Variants in SF3B3 observed in about 807,000 individuals in gnomAD.
SF3B3 encodes splicing factor 3b subunit 3.
Under a neutral mutation model 139.2 loss-of-function variants are expected in SF3B3, and 33 were observed. That is an observed-to-expected ratio of 0.24 (90% CI 0.18 to 0.32). The LOEUF (loss-of-function observed/expected upper bound fraction) is 0.32. Ranked by LOEUF, SF3B3 falls within the 10% of genes least tolerant of loss-of-function variation. The pLI, the probability that SF3B3 is intolerant of heterozygous loss-of-function variation, is 1.00. For missense variants in SF3B3, 818 were observed against 1,509.4 expected, an observed-to-expected ratio of 0.54 and a Z score of 7.59; for synonymous variants, 596 against 563.6, an observed-to-expected ratio of 1.06 and a Z score of -0.81.
At chr16:70,548,554 C>T in intron 11 of SF3B3, 112 bp downstream of exon 11, 1 of 923,128 alleles carries the variant, frequency 1.1e-6, no homozygotes, top group Non-Finnish European at 1.7e-6. Context: ...GCACCATATA[C>T]CAGAAACTTT....
At chr16:70,569,496 C>T (rs1428980867) in intron 23 of SF3B3, among the ~76,000 whole-genome samples, 1 of 152,118 alleles carries the variant, frequency 6.6e-6, no homozygotes, top group African/African-American at 2.4e-5. Context: ...TTTTTTATGG[C>T]AAGCTTGATA....
chr16:70,559,088 T>A (rs2050404577), intron 15 of SF3B3, among the ~76,000 whole-genome samples: 1 of 152,130 alleles, frequency 6.6e-6, no homozygotes, highest in South Asian at 2.1e-4. Context: ...CTCACAGTGA[T>A]GTTGGGATGT....
intron 17 of SF3B3, among the ~76,000 whole-genome samples, chr16:70,563,396 C>T (rs1174558013): frequency 6.6e-6 from 1 of 152,226 alleles, no homozygotes. Flanking sequence ...GTGTACATCT[C>T]TGTCCCATTT....
rs1282971521 is a variant in SF3B3 at position 70,536,961 on chromosome 16, T to C, written c.826-1362T>C. On this transcript the variant is annotated intron_variant, in intron 6 of 25. Coordinates refer to ENST00000302516, the MANE Select transcript of SF3B3 (RefSeq NM_012426.5). ...AAGTAGCTGGGACTACAGGCACCTG[T>C]TACCATGCCCAGCTAATTTTTATAT... is the stretch of plus-strand genomic sequence containing the variant. Among the ~76,000 whole-genome samples the C allele has an allele frequency of 2.0e-5, 3 of 151,960 alleles. No individual in the cohort carries two copies. In the East Asian group the frequency reaches 5.8e-4, roughly 30 times the overall value.
At chr16:70,532,756 A>C in intron 5 of SF3B3, 136 bp downstream of exon 5, 1 of 838,680 alleles carries the variant, frequency 1.2e-6, no homozygotes, top group South Asian at 1.7e-5. Flanking sequence ...TGGACAGGTT[A>C]GAAGTTCATG....
At chr16:70,563,638 G>C in intron 17 of SF3B3, 1 of 424,788 alleles carries the variant, frequency 2.4e-6, no homozygotes. Flanking sequence ...TGTTTCATTG[G>C]TAGGAACTAG....
chr16:70,530,946 C>T lies in SF3B3; in HGVS notation c.570+29C>T, dbSNP rs1187463545. The T allele has an allele frequency of 2.5e-6, 4 of 1,573,478 alleles. No homozygotes were observed. The East Asian group carries it at 9.0e-5, about 35-fold the overall frequency. On this transcript the variant is annotated intron_variant, in intron 4 of 25. Coordinates refer to ENST00000302516, the MANE Select transcript of SF3B3 (RefSeq NM_012426.5). Reference sequence around the variant, plus strand: ...ATGGGGACCCTGTCTCTTTGCGTTTCTTTCAGTCACCTCAGTGTTTTTTTT... The same window carrying T: ...ATGGGGACCCTGTCTCTTTGCGTTTTTTTCAGTCACCTCAGTGTTTTTTTT...
chr16:70,563,722 G>C, intron 17 of SF3B3, 154 bp from the exon 18 acceptor site: 1 of 659,390 alleles, frequency 1.5e-6, no homozygotes, highest in South Asian at 2.0e-5. Context: ...GCATCGCAGA[G>C]TTTTCTAGAG....
chr16:70,542,881 C>A lies in SF3B3; in HGVS notation c.1233+1047C>A, dbSNP rs532809490. On this transcript the variant is annotated intron_variant, in intron 9 of 25. Coordinates refer to ENST00000302516, the MANE Select transcript of SF3B3 (RefSeq NM_012426.5). ...GGACTACAAGCGCCCGCCACCATGC[C>A]CAGCTAATTTTTTGTATTTTTAGTA... Among the ~76,000 whole-genome samples the A allele has an allele frequency of 6.6e-5, 10 of 151,858 alleles. No individual in the cohort carries two copies. The South Asian group carries it at 2.1e-3, about 32-fold the overall frequency.
In SF3B3 at chr16:70,573,317, A is replaced by C. The variant is rs2050547065; in HGVS notation, c.*1504A>C. 6.6e-6 allele frequency: 1 copy of C among 152,200 alleles called. No homozygotes were observed. Among genetic ancestry groups the C allele is most frequent in the South Asian group, 2.1e-4 (1 of 4,832 alleles). The allele number at this position is 152,200 out of a possible 1,614,324, so 9.4% of individuals were successfully genotyped here. A position where few individuals can be genotyped will look rare whatever the true frequency, so the allele number is the denominator to read the frequency against. ...TGTGGCCCTAAATCCATTCTATCAA[A>C]TTGTGTGATACTGACATGCAGTCAT... On this transcript the variant is annotated 3_prime_UTR_variant, in exon 26 of 26. Transcript: ENST00000302516.
At position 70,539,118 on chromosome 16, in the gene SF3B3, G is replaced by C. The variant is rs916329046; in HGVS notation, c.978G>C (p.Arg326=). ...ETDEDMVTEI[R]LKYFDTVPVA... Reference sequence around the variant, plus strand: ...TTTCTCACCAGGTTACTGAGATCCGGCTCAAATATTTTGATACTGTACCCG... The same window carrying C: ...TTTCTCACCAGGTTACTGAGATCCGCCTCAAATATTTTGATACTGTACCCG... Residue 326 remains arginine, a synonymous_variant, in exon 8 of 26, where the codon CGG becomes CGC. Transcript: ENST00000302516. 1.2e-6 allele frequency: 2 copies of C among 1,613,710 alleles called. No individual in the cohort carries two copies. Among genetic ancestry groups the C allele is most frequent in the Non-Finnish European group, 1.7e-6 (2 of 1,179,592 alleles).
chr16:70,540,454 G>A (rs2050209050), intron 8 of SF3B3, among the ~76,000 whole-genome samples: 1 of 152,050 alleles, frequency 6.6e-6, no homozygotes, highest in Middle Eastern at 3.2e-3. Context: ...GTGCAGGGGT[G>A]CAATCTCGGC....
intron 23 of SF3B3, 107 bp from the exon 24 acceptor site, chr16:70,569,899 G>A: frequency 1.6e-6 from 2 of 1,252,104 alleles, no homozygotes; most frequent in Non-Finnish European, 1.1e-6. Flanking sequence ...ATAATTTTTG[G>A]ATGTTAATAG....
chr16:70,552,961 A>G (rs2050341616), intron 11 of SF3B3, among the ~76,000 whole-genome samples: 1 of 152,178 alleles, frequency 6.6e-6, no homozygotes, highest in Admixed American at 6.5e-5. Context: ...CCCAGATTGG[A>G]GTGCAGTGGG....
At chr16:70,525,992 AG>A (rs1242335227) in intron 1 of SF3B3, among the ~76,000 whole-genome samples, 2 of 151,084 alleles carry the variant, frequency 1.3e-5, no homozygotes, top group Non-Finnish European at 3.0e-5. Context: ...GAAAAAAAAA[AG>A]ATATACCTTA....
At chr16:70,540,391 T>C (rs1382579080) in intron 8 of SF3B3, among the ~76,000 whole-genome samples, 1 of 148,350 alleles carries the variant, frequency 6.7e-6, no homozygotes, top group Admixed American at 6.8e-5. Flanking sequence ...GGGTTTTTTT[T>C]GGTTGTTTGT....
intron 21 of SF3B3, among the ~76,000 whole-genome samples, chr16:70,567,756 G>A (rs2050490810): frequency 6.6e-6 from 1 of 152,202 alleles, no homozygotes; most frequent in African/African-American, 2.4e-5. Flanking sequence ...CGCAATCTCG[G>A]CTCACTGCAA....
chr16:70,571,074 A>G, intron 24 of SF3B3, 21 bp from the exon 25 acceptor site: 5 of 1,583,538 alleles, frequency 3.2e-6, no homozygotes, highest in Non-Finnish European at 4.3e-6. Context: ...TCAGTGACAG[A>G]TTTTTTGTTT....
chr16:70,561,336 T>G, intron 16 of SF3B3: 1 of 247,952 alleles, frequency 4.0e-6, no homozygotes, highest in Non-Finnish European at 7.6e-6. Flanking sequence ...TCCATTTAAT[T>G]CTTGCAGCTG....
Sources: allele counts gnomAD v4.1 joint callset (sites outside exome capture counted in the v4.1 genomes callset), GRCh38; gene constraint gnomAD v4.1.1; transcripts MANE v1.5; gene names NCBI Gene and HGNC (gene_info 2026-07-23, HGNC 2026-07-21).